The following SCYL2 variants were observed in gnomAD, a reference collection of about 807,000 sequenced individuals.
The protein encoded by SCYL2 is SCY1 like pseudokinase 2, also known as SCY1-like protein 2.
In SCYL2, 36 loss-of-function variants were observed where a neutral mutation model predicts 100.4. The ratio of observed to expected loss-of-function variants is 0.36; its 90% CI spans 0.27 to 0.47. SCYL2 has a LOEUF of 0.47. Ranked by LOEUF, SCYL2 falls within the 20% of genes least tolerant of loss-of-function variation. The pLI is 1.00. For missense variants in SCYL2, 902 were observed against 1,083.9 expected (o/e 0.83, Z 2.36); for synonymous variants, 330 against 359.2 (o/e 0.92, Z 0.92).
intron 16 of SCYL2, among the ~76,000 whole-genome samples, chr12:100,336,562 C>G (rs1471845934): frequency 6.6e-6 from 1 of 151,964 alleles, no homozygotes; most frequent in East Asian, 1.9e-4. Flanking sequence ...ATGATGTACC[C>G]TTCTTGGTTT....
chr12:100,332,717 TG>T (rs1252073537), intron 13 of SCYL2, among the ~76,000 whole-genome samples: 1 of 145,034 alleles, frequency 6.9e-6, no homozygotes, highest in Non-Finnish European at 1.5e-5. Context: ...TTTTTATTTT[TG>T]TTTTTTTTTT....
intron 2 of SCYL2, among the ~76,000 whole-genome samples, chr12:100,284,381 G>C (rs1459363349): frequency 6.6e-6 from 1 of 152,120 alleles, no homozygotes; most frequent in East Asian, 1.9e-4. Context: ...TGTATTTATT[G>C]CTTTGGAATT....
rs2135952876 is a variant in SCYL2 at position 100,340,580 on chromosome 12, T to C, written c.*1408T>C. 1 of 152,202 alleles carries C rather than the reference T, an allele frequency of 6.6e-6. No individual in the cohort carries two copies. Among genetic ancestry groups the C allele is most frequent in the South Asian group, 2.1e-4 (1 of 4,828 alleles). 9.4% of individuals were successfully genotyped at this position (152,202 alleles called of 1,614,324 possible). A position where few individuals can be genotyped will look rare whatever the true frequency, so the allele number is the denominator to read the frequency against. The stretch of plus-strand genomic sequence containing the variant: ...GTATGCTGGTATTGTTTATTCATTT[T>C]ATATGAATATTCATTGAAAATATAT... On this transcript the variant is annotated 3_prime_UTR_variant, in exon 18 of 18. Transcript: ENST00000360820.
intron 2 of SCYL2, among the ~76,000 whole-genome samples, chr12:100,288,686 A>T (rs1348393598): frequency 6.6e-6 from 1 of 151,762 alleles, no homozygotes; most frequent in East Asian, 1.9e-4. Flanking sequence ...AAAATTAAAA[A>T]ATTTGCTGGG....
intron 12 of SCYL2, chr12:100,327,086 A>T: frequency 3.3e-6 from 1 of 300,444 alleles, no homozygotes; most frequent in Non-Finnish European, 6.5e-6. Context: ...GGTTTATTTG[A>T]TACTCAATTT....
intron 1 of SCYL2, among the ~76,000 whole-genome samples, chr12:100,281,019 G>GTTTTGTTTGTTTTTTTTT: frequency 2.0e-5 from 1 of 50,492 alleles, no homozygotes; most frequent in African/African-American, 6.9e-5. Context: ...TACCATCAGT[G>GTTTTGTTTGTTTTTTTTT]TTTTTTTTTT....
At chr12:100,273,177 G>C (rs556839329) in intron 1 of SCYL2, among the ~76,000 whole-genome samples, 1 of 152,110 alleles carries the variant, frequency 6.6e-6, no homozygotes, top group African/African-American at 2.4e-5. Flanking sequence ...AATGTCCTTG[G>C]TGATCTGGCT....
intron 10 of SCYL2, among the ~76,000 whole-genome samples, chr12:100,318,183 T>C (rs2096351325): frequency 6.6e-6 from 1 of 152,236 alleles, no homozygotes; most frequent in Admixed American, 6.5e-5. Context: ...GATTTGTTGC[T>C]TTTATTTATC....
chr12:100,269,072 C>G (rs190136457), intron 1 of SCYL2, among the ~76,000 whole-genome samples: 2 of 152,268 alleles, frequency 1.3e-5, no homozygotes, highest in Admixed American at 6.5e-5. Context: ...GACTTAGTGA[C>G]TTTTTCAAAA....
At chr12:100,318,332 T>TTC (rs1555320682) in intron 10 of SCYL2, among the ~76,000 whole-genome samples, 1 of 145,666 alleles carries the variant, frequency 6.9e-6, no homozygotes, top group African/African-American at 2.6e-5. Flanking sequence ...TTTCTTTCTT[T>TTC]TTTTTTTTTT....
chr12:100,300,438 G>A (rs989137926), intron 4 of SCYL2, among the ~76,000 whole-genome samples: 9 of 151,882 alleles, frequency 5.9e-5, no homozygotes, highest in Non-Finnish European at 8.8e-5. Flanking sequence ...CATAATAATT[G>A]CATCATGGAA....
chr12:100,323,774 A>G, intron 11 of SCYL2, 136 bp downstream of exon 11: 2 of 489,894 alleles, frequency 4.1e-6, no homozygotes, highest in Non-Finnish European at 7.1e-6. Context: ...ATATAGTACT[A>G]TAAAAATGAG....
rs1166055560 is a variant in SCYL2 at position 100,326,547 on chromosome 12, T to G, written c.1510-75T>G. 5.7e-6 allele frequency: 6 copies of G among 1,047,366 alleles called. No individual in the cohort carries two copies. The East Asian group carries it at 1.3e-4, about 23-fold the overall frequency. The allele number at this position is 1,047,366 out of a possible 1,614,324, so 64.9% of individuals were successfully genotyped here. ...GACTTTAACATATTTATATGAAGATTAAGTTTACACTTAAATATTTTGTTC... is the reference window on the plus strand; with the variant it reads ...GACTTTAACATATTTATATGAAGATGAAGTTTACACTTAAATATTTTGTTC... On this transcript the variant is annotated intron_variant, in intron 11 of 17. Coordinates refer to ENST00000360820, the MANE Select transcript of SCYL2 (RefSeq NM_017988.6).
At chr12:100,306,024 A>C (rs1302697921) in intron 4 of SCYL2, among the ~76,000 whole-genome samples, 1 of 152,180 alleles carries the variant, frequency 6.6e-6, no homozygotes, top group East Asian at 1.9e-4. Flanking sequence ...ATAGCCTACG[A>C]ACCGAAAAAA....
At chr12:100,326,796 C>CA (rs1371530656) in intron 12 of SCYL2, 42 bp downstream of exon 12, 1 of 1,564,698 alleles carries the variant, frequency 6.4e-7, no homozygotes, top group East Asian at 2.3e-5. Flanking sequence ...TTTTATCATG[C>CA]AAATAAATTT....
chr12:100,274,473 G>C (rs2096290617), intron 1 of SCYL2, among the ~76,000 whole-genome samples: 1 of 152,174 alleles, frequency 6.6e-6, no homozygotes, highest in Non-Finnish European at 1.5e-5. Context: ...TAGTTCTGTG[G>C]TAGATAAGGC....
At chr12:100,268,184 T>G (rs1389086559) in intron 1 of SCYL2, among the ~76,000 whole-genome samples, 1 of 152,166 alleles carries the variant, frequency 6.6e-6, no homozygotes, top group Non-Finnish European at 1.5e-5. Context: ...GTGTCAACTA[T>G]TTTTTAGTAC....
chr12:100,272,481 A>T (rs1296838085), intron 1 of SCYL2, among the ~76,000 whole-genome samples: 2 of 152,148 alleles, frequency 1.3e-5, no homozygotes, highest in African/African-American at 2.4e-5. Flanking sequence ...TCAAGGCCAT[A>T]GTCTACCATA....
intron 13 of SCYL2, among the ~76,000 whole-genome samples, chr12:100,330,639 A>G (rs1044851303): frequency 1.3e-5 from 2 of 152,170 alleles, no homozygotes; most frequent in Admixed American, 6.5e-5. Context: ...GGGAGGATTT[A>G]GAACTGAGAG....
Sources: allele counts gnomAD v4.1 joint callset (sites outside exome capture counted in the v4.1 genomes callset), GRCh38; gene constraint gnomAD v4.1.1; transcripts MANE v1.5; gene names NCBI Gene and HGNC (gene_info 2026-07-23, HGNC 2026-07-21).